CCDC50: variants seen among roughly 807,000 people sequenced by gnomAD.
CCDC50 encodes coiled-coil domain-containing protein 50.
Under a neutral mutation model 70.2 loss-of-function variants are expected in CCDC50, and 54 were observed. The observed-to-expected ratio is 0.77, with a 90% CI of 0.62 to 0.96. The LOEUF (loss-of-function observed/expected upper bound fraction) is 0.96. Ranked by LOEUF, CCDC50 falls within the 50% of genes least tolerant of loss-of-function variation. The pLI, the probability that CCDC50 is intolerant of heterozygous loss-of-function variation, is 0.00. For missense variants in CCDC50, 558 were observed against 578.7 expected (o/e 0.96, Z 0.37); for synonymous variants, 216 against 198.8 (o/e 1.09, Z -0.73).
rs542270411 is a variant in CCDC50, at chr3:191,353,118, T to C, written c.50-3970T>C. ...CAGAGCAAAGTGCATTTCTTTCTGTTAATGCTCTTCTAAGCAATGAGGCAG... is the reference window on the plus strand; with the variant it reads ...CAGAGCAAAGTGCATTTCTTTCTGTCAATGCTCTTCTAAGCAATGAGGCAG... On this transcript the variant is annotated intron_variant, in intron 1 of 11. Transcript: ENST00000392455. 1.8e-4 allele frequency among the ~76,000 whole-genome samples: 26 copies of C among 142,486 alleles called. 3 individuals carry two copies. Among genetic ancestry groups the C allele is most frequent in the African/African-American group, 6.0e-4 (24 of 40,010 alleles). 93.5% of individuals were successfully genotyped at this position (142,486 alleles called of 152,430 possible). A position where few individuals can be genotyped will look rare whatever the true frequency, so the allele number is the denominator to read the frequency against.
chr3:191,341,332 T>C (rs1711722499), intron 1 of CCDC50, among the ~76,000 whole-genome samples: 1 of 152,190 alleles, frequency 6.6e-6, no homozygotes, highest in Non-Finnish European at 1.5e-5. Flanking sequence ...TCACATACCT[T>C]ATCTAATTTA....
At chr3:191,391,613 C>A (rs988060823) in intron 11 of CCDC50, 128 bp from the exon 12 acceptor site, 1 of 829,310 alleles carries the variant, frequency 1.2e-6, no homozygotes, top group Non-Finnish European at 2.0e-6. Context: ...ATATATGTCA[C>A]AATCAAGAAT....
chr3:191,349,055 C>T (rs1712018413), intron 1 of CCDC50, among the ~76,000 whole-genome samples: 1 of 141,574 alleles, frequency 7.1e-6, no homozygotes, highest in African/African-American at 2.5e-5. Context: ...TATAGCCAAG[C>T]ATCTCTAAGC....
At chr3:191,342,797 G>A (rs1711776826) in intron 1 of CCDC50, among the ~76,000 whole-genome samples, 1 of 152,162 alleles carries the variant, frequency 6.6e-6, no homozygotes, top group African/African-American at 2.4e-5. Context: ...CTTACTATCT[G>A]GATATGCTTT....
intron 1 of CCDC50, among the ~76,000 whole-genome samples, chr3:191,343,890 C>G (rs1446795459): frequency 6.6e-6 from 1 of 152,214 alleles, no homozygotes; most frequent in East Asian, 1.9e-4. Context: ...ACTTTCTAAT[C>G]AGAAATTTGT....
At chr3:191,390,940 A>G (rs1713673731) in intron 11 of CCDC50, among the ~76,000 whole-genome samples, 1 of 152,214 alleles carries the variant, frequency 6.6e-6, no homozygotes, top group Admixed American at 6.5e-5. Context: ...ATCTGCGTTC[A>G]CTTATGTACA....
At chr3:191,369,371 A>G (rs1000917918) in intron 4 of CCDC50, among the ~76,000 whole-genome samples, 1 of 152,098 alleles carries the variant, frequency 6.6e-6, no homozygotes, top group Non-Finnish European at 1.5e-5. Flanking sequence ...AATGTTATTC[A>G]TCATTCTGTC....
intron 5 of CCDC50, among the ~76,000 whole-genome samples, chr3:191,370,820 A>G (rs1712887594): frequency 1.3e-5 from 2 of 152,116 alleles, no homozygotes; most frequent in Admixed American, 1.3e-4. Flanking sequence ...AACCAGAGCC[A>G]CTTTCATGAT....
Position 191,391,794 on chromosome 3 carries a change from T to A in CCDC50, c.*34T>A. ...GAATCTGCCTTGAAAATGGACTCAC[T>A]ATAGCAAATATTACTGGGTGATACA... On this transcript the variant is annotated 3_prime_UTR_variant, in exon 12 of 12. Transcript: ENST00000392455. The A allele has an allele frequency of 6.3e-7, 1 of 1,580,302 alleles. No homozygotes were observed. Among genetic ancestry groups the A allele is most frequent in the Non-Finnish European group, 8.7e-7 (1 of 1,149,722 alleles).
intron 1 of CCDC50, among the ~76,000 whole-genome samples, chr3:191,330,764 G>A (rs886702253): frequency 6.6e-6 from 1 of 152,168 alleles, no homozygotes; most frequent in Non-Finnish European, 1.5e-5. Context: ...GGTCTTGTGT[G>A]TGCTCAGGCC....
chr3:191,382,882 AT>A, intron 10 of CCDC50, 57 bp downstream of exon 10: 1 of 1,251,984 alleles, frequency 8.0e-7, no homozygotes, highest in Non-Finnish European at 1.2e-6. Flanking sequence ...GAATAAGGAG[AT>A]TTCAGTTCCC....
chr3:191,385,100 T>C (rs1458855070), intron 10 of CCDC50, among the ~76,000 whole-genome samples: 1 of 152,212 alleles, frequency 6.6e-6, no homozygotes, highest in African/African-American at 2.4e-5. Context: ...TCTTTGCTAT[T>C]GTGAAGAGTG....
At chr3:191,377,775 A>T (rs923845603) in intron 6 of CCDC50, among the ~76,000 whole-genome samples, 4 of 152,118 alleles carry the variant, frequency 2.6e-5, no homozygotes, top group African/African-American at 9.7e-5. Flanking sequence ...TTTTGTGTTC[A>T]TTTAAGGATG....
In CCDC50 at chr3:191,390,132, G is replaced by A. The variant is rs183972182; in HGVS notation, c.1429+530G>A. On this transcript the variant is annotated intron_variant, in intron 11 of 11. Coordinates refer to ENST00000392455, the MANE Select transcript of CCDC50 (RefSeq NM_178335.3). ...CCCAAAGTGCTGGGATTATAGGCAT[G>A]AGCCACCGCACCCAGCTCTTTCATC... Among the ~76,000 whole-genome samples the A allele has an allele frequency of 1.3e-3, 197 of 152,162 alleles. 1 individual carries two copies. The highest frequency in any genetic ancestry group is 4.4e-3 in the African/African-American group (182 of 41,506).
intron 1 of CCDC50, among the ~76,000 whole-genome samples, chr3:191,342,861 C>A (rs759146187): frequency 1.5e-4 from 23 of 152,280 alleles, no homozygotes; most frequent in South Asian, 4.1e-4. Flanking sequence ...ATGGTATTTA[C>A]CCTGTTGAGG....
intron 1 of CCDC50, among the ~76,000 whole-genome samples, chr3:191,356,335 TTC>T (rs375268201): frequency 6.6e-6 from 1 of 152,326 alleles, no homozygotes; most frequent in African/African-American, 2.4e-5. Flanking sequence ...CCCATTTTGC[TTC>T]TGAGAAGACA....
intron 1 of CCDC50, among the ~76,000 whole-genome samples, chr3:191,349,451 G>T (rs1466384788): frequency 7.1e-6 from 1 of 141,622 alleles, no homozygotes; most frequent in African/African-American, 2.5e-5. Context: ...TTGAAAAGAG[G>T]GTTAGAGAGA....
rs1713726324 is a variant in CCDC50, at chr3:191,392,432, G to A, written c.*672G>A. 6.6e-6 allele frequency: 1 copy of A among 152,076 alleles called. No individual in the cohort carries two copies. Among genetic ancestry groups the A allele is most frequent in the Non-Finnish European group, 1.5e-5 (1 of 68,004 alleles). The allele number at this position is 152,076 out of a possible 1,614,324, so 9.4% of individuals were successfully genotyped here. A position where few individuals can be genotyped will look rare whatever the true frequency, so the allele number is the denominator to read the frequency against. ...CTCCTGGGCAATGGAACATTTATTA[G>A]TATTTATTGACAAAAATTTAGTTCT... On this transcript the variant is annotated 3_prime_UTR_variant, in exon 12 of 12. Coordinates refer to ENST00000392455, the MANE Select transcript of CCDC50 (RefSeq NM_178335.3).
intron 5 of CCDC50, among the ~76,000 whole-genome samples, chr3:191,371,742 A>G (rs897263997): frequency 6.6e-6 from 1 of 152,148 alleles, no homozygotes; most frequent in Non-Finnish European, 1.5e-5. Flanking sequence ...CTTCCTCTGT[A>G]TGTAAAACAC....
Sources: allele counts gnomAD v4.1 joint callset (sites outside exome capture counted in the v4.1 genomes callset), GRCh38; gene constraint gnomAD v4.1.1; transcripts MANE v1.5; gene names NCBI Gene and HGNC (gene_info 2026-07-23, HGNC 2026-07-21).